The following ELP4 variants were observed in gnomAD, a reference collection of about 807,000 sequenced individuals.
ELP4 encodes the protein elongator acetyltransferase complex subunit 4, also known as elongator complex protein 4.
A neutral mutation model predicts 48.9 loss-of-function variants in ELP4; 51 were observed. The observed-to-expected ratio is 1.04, with a 90% CI of 0.83 to 1.32. The LOEUF is 1.32. Ranked by LOEUF, ELP4 falls within the 40% of genes most tolerant of loss-of-function variation. The pLI, the probability that ELP4 is intolerant of heterozygous loss-of-function variation, is 0.00. For synonymous variants in ELP4, 210 were observed against 189.2 expected (o/e 1.11, Z -0.90); for missense variants, 519 against 514.6 (o/e 1.01, Z -0.08).
chr11:31,780,152 C>A (rs1435258435), intron 9 of ELP4, among the ~76,000 whole-genome samples: 7 of 152,160 alleles, frequency 4.6e-5, no homozygotes, highest in Non-Finnish European at 8.8e-5. Context: ...AAGGAGGTCA[C>A]CATGCTATGC....
intron 9 of ELP4, among the ~76,000 whole-genome samples, chr11:31,655,036 T>C (rs1945399651): frequency 6.6e-6 from 1 of 151,972 alleles, no homozygotes. Context: ...AAGTTGAACA[T>C]AGGCATCTAT....
chr11:31,575,602 T>C (rs1490975058), intron 3 of ELP4, among the ~76,000 whole-genome samples: 2 of 152,152 alleles, frequency 1.3e-5, no homozygotes, highest in Non-Finnish European at 2.9e-5. Flanking sequence ...TCGGCAGACA[T>C]TCTACAAACC....
chr11:31,588,939 C>T (rs551358060), intron 3 of ELP4, among the ~76,000 whole-genome samples: 12 of 152,238 alleles, frequency 7.9e-5, no homozygotes, highest in South Asian at 2.1e-4. Flanking sequence ...GCCAAGATCA[C>T]GCCACTGCAT....
At chr11:31,749,162 T>G (rs573138647) in intron 9 of ELP4, among the ~76,000 whole-genome samples, 3 of 152,288 alleles carry the variant, frequency 2.0e-5, no homozygotes, top group South Asian at 2.1e-4. Context: ...AGAGAAACAC[T>G]TTAGGTTCTG....
chr11:31,688,620 A>T (rs1010768846), intron 9 of ELP4, among the ~76,000 whole-genome samples: 4 of 152,228 alleles, frequency 2.6e-5, no homozygotes, highest in African/African-American at 9.6e-5. Flanking sequence ...TATAATATTC[A>T]AAATCTATAC....
Position 31,563,635 on chromosome 11 carries a change from A to G in ELP4, c.381+23852A>G, listed in dbSNP as rs948340790. The stretch of plus-strand genomic sequence containing the variant: ...TGTTGTTTTGTTGAAAGGTAGTCCT[A>G]TTTTCTTTATTCATATTAATTTTCT... On this transcript the variant is annotated intron_variant, in intron 3 of 9. Coordinates refer to ENST00000640961, the MANE Select transcript of ELP4 (RefSeq NM_019040.5). Among the ~76,000 whole-genome samples the G allele has an allele frequency of 2.6e-5, 4 of 152,088 alleles. 1 individual carries two copies. The South Asian group carries it at 6.2e-4, about 24-fold the overall frequency.
chr11:31,627,899 C>T (rs1361074902), intron 6 of ELP4, among the ~76,000 whole-genome samples: 1 of 152,054 alleles, frequency 6.6e-6, no homozygotes, highest in Non-Finnish European at 1.5e-5. Flanking sequence ...TTGAAGAAGA[C>T]AGAGAAGCTG....
chr11:31,706,659 A>G (rs1946641708), intron 9 of ELP4, among the ~76,000 whole-genome samples: 1 of 150,332 alleles, frequency 6.7e-6, no homozygotes, highest in Non-Finnish European at 1.5e-5. Flanking sequence ...AATATTTTCA[A>G]AAAAAGAACA....
chr11:31,620,929 A>G (rs1175197165), intron 5 of ELP4, among the ~76,000 whole-genome samples: 1 of 151,904 alleles, frequency 6.6e-6, no homozygotes, highest in Non-Finnish European at 1.5e-5. Flanking sequence ...ATCCATGGTG[A>G]AGATAATCAA....
intron 3 of ELP4, among the ~76,000 whole-genome samples, chr11:31,570,393 C>G (rs1419825880): frequency 6.6e-6 from 1 of 151,588 alleles, no homozygotes; most frequent in Non-Finnish European, 1.5e-5. Flanking sequence ...TGAAAACTTC[C>G]TATTGGGCAT....
At chr11:31,577,766 A>ATTG (rs1957311849) in intron 3 of ELP4, among the ~76,000 whole-genome samples, 1 of 152,214 alleles carries the variant, frequency 6.6e-6, no homozygotes, top group African/African-American at 2.4e-5. Context: ...AAAAACTCTC[A>ATTG]ATAAACTAGG....
chr11:31,773,362 C>A (rs929737610), intron 9 of ELP4, among the ~76,000 whole-genome samples: 2 of 152,164 alleles, frequency 1.3e-5, no homozygotes, highest in Non-Finnish European at 2.9e-5. Flanking sequence ...ATTGGAAGGG[C>A]TGAAGGAGAT....
At chr11:31,776,127 G>A (rs900217328) in intron 9 of ELP4, among the ~76,000 whole-genome samples, 4 of 144,288 alleles carry the variant, frequency 2.8e-5, no homozygotes, top group Admixed American at 7.0e-5. Flanking sequence ...CATCAGCCTG[G>A]GCAAAAGAGT....
chr11:31,718,049 A>G (rs1457259006), intron 9 of ELP4, among the ~76,000 whole-genome samples: 1 of 152,136 alleles, frequency 6.6e-6, no homozygotes, highest in Admixed American at 6.5e-5. Flanking sequence ...CACCTGCCTC[A>G]GCCTCCCAAA....
intron 9 of ELP4, among the ~76,000 whole-genome samples, chr11:31,728,418 ATTAG>A (rs1319245204): frequency 2.0e-5 from 3 of 152,212 alleles, no homozygotes; most frequent in Non-Finnish European, 4.4e-5. Flanking sequence ...TATAGATACT[ATTAG>A]AAAGCTTCTG....
chr11:31,767,125 G>T (rs559375827), intron 9 of ELP4: 75 of 152,202 alleles, frequency 4.9e-4, no homozygotes, highest in African/African-American at 1.6e-3. Context: ...GATCTAAAAA[G>T]CTTAGAAAAT....
At chr11:31,700,715 G>C (rs982102855) in intron 9 of ELP4, among the ~76,000 whole-genome samples, 1 of 151,998 alleles carries the variant, frequency 6.6e-6, no homozygotes, top group Non-Finnish European at 1.5e-5. Context: ...GTTGATTCAG[G>C]AAAGTGTCAG....
Position 31,790,255 on chromosome 11 carries a change from G to T in ELP4, c.*6731G>T. 1 of 518,770 alleles carries T rather than the reference G, an allele frequency of 1.9e-6. No homozygotes were observed. The highest frequency in any genetic ancestry group is 4.2e-5 in the Admixed American group (1 of 23,680). The allele number at this position is 518,770 out of a possible 1,614,324, so 32.1% of individuals were successfully genotyped here. The stretch of plus-strand genomic sequence containing the variant: ...AAGTACCCCCCACCCCAATCCAAAG[G>T]AAAAGAAAAAAAAAATCCTCTGTTT... On this transcript the variant is annotated 3_prime_UTR_variant, in exon 10 of 10. Coordinates refer to ENST00000640961, the MANE Select transcript of ELP4 (RefSeq NM_019040.5).
chr11:31,758,652 T>C (rs950416487), intron 9 of ELP4, among the ~76,000 whole-genome samples: 1 of 150,068 alleles, frequency 6.7e-6, no homozygotes, highest in African/African-American at 2.4e-5. Context: ...TAATGATATG[T>C]TGACAAAGAG....
Sources: allele counts gnomAD v4.1 joint callset (sites outside exome capture counted in the v4.1 genomes callset), GRCh38; gene constraint gnomAD v4.1.1; transcripts MANE v1.5; gene names NCBI Gene and HGNC (gene_info 2026-07-23, HGNC 2026-07-21).